The following ATG14 variants were observed in gnomAD, a reference collection of about 807,000 sequenced individuals.
The protein encoded by ATG14 is beclin 1-associated autophagy-related key regulator.
A neutral mutation model predicts 60.4 loss-of-function variants in ATG14; 35 were observed. The observed-to-expected ratio is 0.58, with a 90% confidence interval of 0.44 to 0.77. ATG14 has a LOEUF of 0.77. Among genes scored for constraint, ATG14 ranks in the 30% least tolerant of loss-of-function variants. The pLI is 0.00. For synonymous variants in ATG14, 234 were observed against 228.8 expected, an observed-to-expected ratio of 1.02 and a Z score of -0.21; for missense variants, 647 against 626.3, an observed-to-expected ratio of 1.03 and a Z score of -0.35.
chr14:55,408,172 G>C (rs919413069), intron 1 of ATG14, among the ~76,000 whole-genome samples: 7 of 152,170 alleles, frequency 4.6e-5, no homozygotes, highest in Non-Finnish European at 2.9e-5. Context: ...CTTGCTCAGG[G>C]CCAGGCATGG....
chr14:55,378,547 C>T (rs1171871480), intron 7 of ATG14, among the ~76,000 whole-genome samples: 24 of 152,150 alleles, frequency 1.6e-4, no homozygotes, highest in Admixed American at 1.6e-3. Context: ...TTTGCAACTG[C>T]CATTCTTTTT....
chr14:55,394,829 C>A (rs1250260557), intron 3 of ATG14: 5 of 303,296 alleles, frequency 1.6e-5, no homozygotes, highest in Non-Finnish European at 3.2e-5. Context: ...TAAAAACTAA[C>A]CCCCCAACTA....
intron 7 of ATG14, among the ~76,000 whole-genome samples, chr14:55,379,337 A>G (rs934974699): frequency 2.6e-5 from 4 of 152,014 alleles, no homozygotes; most frequent in Non-Finnish European, 4.4e-5. Context: ...GGAGTTCAAG[A>G]CCAGCCTGGG....
rs186767589 is a variant in ATG14 at position 55,385,428 on chromosome 14, G to A, written c.647+431C>T. Among the ~76,000 whole-genome samples the A allele has an allele frequency of 3.7e-3, 559 of 152,336 alleles. 6 individuals are homozygous for A. The highest frequency in any genetic ancestry group is 0.013 in the African/African-American group (529 of 41,586). On this transcript the variant is annotated intron_variant, in intron 5 of 9. Transcript: ENST00000247178. ...CTGCCTCAGCCACCTGAGTAGCTGG[G>A]ACTACAGGCACGCGCCACCACGCCT...
chr14:55,397,010 T>C (rs1350357252), intron 2 of ATG14, among the ~76,000 whole-genome samples: 1 of 152,170 alleles, frequency 6.6e-6, no homozygotes, highest in African/African-American at 2.4e-5. Context: ...AAAATACTGA[T>C]ATGGACAAAA....
Position 55,397,399 on chromosome 14 carries a change from T to A in ATG14, c.257A>T (p.Lys86Met). Residue 86 changes from lysine to methionine, a missense_variant, in exon 2 of 10, where the codon AAG becomes ATG. Lys to Met is a moderately conservative substitution (Grantham distance 95). Transcript: ENST00000247178. ...TTTCTGAAATTCTTCTTGCTTGCTC[T>A]TAAGTCGGCTTAACCTTTCCTTCTT... ...IDKKERLSRL[K>M]SKQEEFQKEV... 6.2e-7 allele frequency: 1 copy of A among 1,613,710 alleles called. No homozygotes were observed. The highest frequency in any genetic ancestry group is 8.5e-7 in the Non-Finnish European group (1 of 1,179,694).
chr14:55,370,592 G>C (rs1884792276), intron 9 of ATG14, among the ~76,000 whole-genome samples: 1 of 151,264 alleles, frequency 6.6e-6, no homozygotes, highest in Non-Finnish European at 1.5e-5. Flanking sequence ...CTCTTTGCTG[G>C]CACCTCAGCA....
chr14:55,383,349 G>A (rs1156614421), intron 5 of ATG14, among the ~76,000 whole-genome samples: 1 of 151,966 alleles, frequency 6.6e-6, no homozygotes, highest in Non-Finnish European at 1.5e-5. Context: ...TCAGGAATTC[G>A]AGATCAGCCT....
At position 55,377,734 on chromosome 14, in the gene ATG14, G is replaced by T. The variant is rs8011251; in HGVS notation, c.1172+85C>A. ...CCGGTTTGAGGAGTTTGGGATTAGG[G>T]AACACGACTCTACTATGCCAACATA... is the stretch of plus-strand genomic sequence containing the variant. On this transcript the variant is annotated intron_variant, in intron 9 of 9. Coordinates refer to ENST00000247178, the MANE Select transcript of ATG14 (RefSeq NM_014924.5). The T allele has an allele frequency of 4.8e-3, 4,708 of 974,834 alleles. 121 individuals carry two copies. In the African/African-American group the frequency reaches 0.069, roughly 14 times the overall value. 60.4% of individuals were successfully genotyped at this position (974,834 alleles called of 1,614,324 possible). A position where few individuals can be genotyped will look rare whatever the true frequency, so the allele number is the denominator to read the frequency against.
intron 4 of ATG14, among the ~76,000 whole-genome samples, chr14:55,386,938 G>A (rs2140136285): frequency 6.6e-6 from 1 of 152,204 alleles, no homozygotes; most frequent in South Asian, 2.1e-4. Flanking sequence ...ATCTTCTCCA[G>A]TTTCCCTACT....
intron 9 of ATG14, among the ~76,000 whole-genome samples, chr14:55,373,524 A>G (rs1216588382): frequency 1.3e-5 from 2 of 152,154 alleles, no homozygotes; most frequent in African/African-American, 4.8e-5. Context: ...TAGCAGCACG[A>G]TCTCAGCTCA....
In ATG14 at chr14:55,390,933, T is replaced by C; in HGVS notation, c.387A>G (p.Lys129=). 6.2e-7 allele frequency: 1 copy of C among 1,602,916 alleles called. No homozygotes were observed. The highest frequency in any genetic ancestry group is 8.5e-7 in the Non-Finnish European group (1 of 1,172,864). Residue 129 remains lysine, a synonymous_variant, in exon 4 of 10, where the codon AAA becomes AAG. Coordinates refer to ENST00000247178, the MANE Select transcript of ATG14 (RefSeq NM_014924.5). ...RIEQLKQTIC[K]GNEEMEKNSE... is the part of the protein sequence containing the mutation. ...TACTTTTCTCCATTTCTTCATTTCCTTTACATATTGTTTGTTTTAACTGTT... is the reference window on the plus strand; with the variant it reads ...TACTTTTCTCCATTTCTTCATTTCCCTTACATATTGTTTGTTTTAACTGTT...
chr14:55,395,102 T>C, intron 3 of ATG14: 1 of 500,490 alleles, frequency 2.0e-6, no homozygotes, highest in Non-Finnish European at 4.0e-6. Context: ...TCTGAAGATT[T>C]ATCCTTTCCT....
chr14:55,388,997 G>A (rs548123444), intron 4 of ATG14, among the ~76,000 whole-genome samples: 3 of 152,170 alleles, frequency 2.0e-5, no homozygotes, highest in East Asian at 3.9e-4. Context: ...GTTCAAGCAT[G>A]TGATCATTTT....
At chr14:55,372,595 T>TTCCCTTCCTCCTTCCCTCCC (rs1884844045) in intron 9 of ATG14, among the ~76,000 whole-genome samples, 1 of 151,156 alleles carries the variant, frequency 6.6e-6, no homozygotes, top group African/African-American at 2.4e-5. Context: ...TCCTCACTCC[T>TTCCCTTCCTCCTTCCCTCCC]TCCCTTCCTC....
intron 1 of ATG14, among the ~76,000 whole-genome samples, chr14:55,409,537 G>C (rs1417273077): frequency 6.6e-6 from 1 of 151,004 alleles, no homozygotes; most frequent in African/African-American, 2.4e-5. Context: ...GGATCAGAAA[G>C]AGTCTAACGT....
chr14:55,371,991 A>G (rs1410982231), intron 9 of ATG14, among the ~76,000 whole-genome samples: 2 of 152,070 alleles, frequency 1.3e-5, no homozygotes, highest in Non-Finnish European at 2.9e-5. Context: ...CCTCTTCTCA[A>G]GTTTCTCCTT....
In ATG14 at chr14:55,367,370, A is replaced by G. The variant is rs1233517912; in HGVS notation, c.*2249T>C. 1 of 152,270 alleles carries G rather than the reference A, an allele frequency of 6.6e-6. No individual in the cohort carries two copies. Among genetic ancestry groups the G allele is most frequent in the Non-Finnish European group, 1.5e-5 (1 of 68,086 alleles). 9.4% of individuals were successfully genotyped at this position (152,270 alleles called of 1,614,324 possible). On this transcript the variant is annotated 3_prime_UTR_variant, in exon 10 of 10. Transcript: ENST00000247178. ...ACCATCTTCACTCTCTACGAACTCC[A>G]GAACTGGATGGGAAAATGGAAGCCC...
At chr14:55,385,540 G>A (rs963613998) in intron 5 of ATG14, among the ~76,000 whole-genome samples, 1 of 152,146 alleles carries the variant, frequency 6.6e-6, no homozygotes, top group Non-Finnish European at 1.5e-5. Flanking sequence ...TGATTCGCCT[G>A]CCTCGGCCTC....
Sources: gnomAD v4.1 joint callset for allele counts (sites outside exome capture counted in the v4.1 genomes callset) on GRCh38, gnomAD v4.1.1 for gene constraint, MANE v1.5 for transcripts, NCBI Gene and HGNC (gene_info 2026-07-23, HGNC 2026-07-21) for gene names.